The following MAGI1 variants were observed in gnomAD, a reference collection of about 807,000 sequenced individuals.
MAGI1 encodes membrane associated guanylate kinase, WW and PDZ domain containing 1.
Under a neutral mutation model 139.9 loss-of-function variants are expected in MAGI1, and 58 were observed. The ratio of observed to expected loss-of-function variants is 0.41; its 90% confidence interval spans 0.34 to 0.52. MAGI1 has a LOEUF of 0.52. MAGI1 is among the 20% of genes least tolerant of loss of function. The pLI is 0.12. For missense variants in MAGI1, 1,874 were observed against 1,901.6 expected (o/e 0.99, Z 0.27); for synonymous variants, 812 against 737.9 (o/e 1.10, Z -1.63).
In MAGI1 at chr3:65,614,142, C is replaced by T. The variant is rs148762672; in HGVS notation, c.430+7830G>A. Among the ~76,000 whole-genome samples the T allele has an allele frequency of 8.0e-4, 122 of 152,270 alleles. 1 individual carries two copies. The highest frequency in any genetic ancestry group is 2.7e-3 in the African/African-American group (114 of 41,546). On this transcript the variant is annotated intron_variant, in intron 2 of 22. Coordinates refer to ENST00000402939, the MANE Select transcript of MAGI1 (RefSeq NM_001033057.2). Reference sequence around the variant, plus strand: ...GTCCACCACACCTGAAAGCCCATCACATCTGAATGTTCTAGACTCAACAAG... The same window carrying T: ...GTCCACCACACCTGAAAGCCCATCATATCTGAATGTTCTAGACTCAACAAG...
intron 2 of MAGI1, among the ~76,000 whole-genome samples, chr3:65,540,088 A>G (rs1253175752): frequency 6.6e-6 from 1 of 152,212 alleles, no homozygotes; most frequent in East Asian, 1.9e-4. Flanking sequence ...AAAGTGCTTA[A>G]CATCAAGATG....
At chr3:65,918,505 C>G (rs941618331) in intron 1 of MAGI1, among the ~76,000 whole-genome samples, 2 of 151,518 alleles carry the variant, frequency 1.3e-5, no homozygotes, top group Non-Finnish European at 2.9e-5. Flanking sequence ...CTCAGCCTCT[C>G]GAGTAGCTGG....
intron 18 of MAGI1, among the ~76,000 whole-genome samples, chr3:65,368,364 G>A (rs1313272165): frequency 5.3e-5 from 8 of 152,206 alleles, no homozygotes; most frequent in Admixed American, 2.6e-4. Flanking sequence ...TCCCAGAGGA[G>A]TGAAAATGGA....
intron 2 of MAGI1, among the ~76,000 whole-genome samples, chr3:65,611,210 C>T (rs375083599): frequency 3.2e-4 from 45 of 139,172 alleles, no homozygotes; most frequent in African/African-American, 1.0e-3. Context: ...TGTATACACA[C>T]GTGTAGTACT....
chr3:65,636,080 A>G (rs2084598595), intron 1 of MAGI1, among the ~76,000 whole-genome samples: 1 of 152,238 alleles, frequency 6.6e-6, no homozygotes, highest in Admixed American at 6.5e-5. Context: ...CAGAAACAAA[A>G]GAGAGAGTCA....
chr3:65,597,813 G>A (rs2082289377), intron 2 of MAGI1: 1 of 456,132 alleles, frequency 2.2e-6, no homozygotes, highest in African/African-American at 2.0e-5. Context: ...ACTTGTACTT[G>A]CCTGCAAACC....
chr3:65,508,579 A>C (rs1429468078), intron 2 of MAGI1, among the ~76,000 whole-genome samples: 1 of 152,126 alleles, frequency 6.6e-6, no homozygotes, highest in East Asian at 1.9e-4. Context: ...TTGCCTTCTA[A>C]GACAGTCACA....
rs75207563 is a variant in MAGI1 at position 65,471,110 on chromosome 3, T to C, written c.758-626A>G. On this transcript the variant is annotated intron_variant, in intron 4 of 22. Coordinates refer to ENST00000402939, the MANE Select transcript of MAGI1 (RefSeq NM_001033057.2). Reference sequence around the variant, plus strand: ...ACCTCTTTTGAAAAAGTTATGTTCCTGTGAAAACCAAGAGTTACCCCCAGA... The same window carrying C: ...ACCTCTTTTGAAAAAGTTATGTTCCCGTGAAAACCAAGAGTTACCCCCAGA... 7.2e-3 allele frequency among the ~76,000 whole-genome samples: 1,101 copies of C among 152,272 alleles called. 13 individuals are homozygous for C. Among genetic ancestry groups the C allele is most frequent in the African/African-American group, 0.025 (1,053 of 41,556 alleles).
At chr3:65,972,929 T>A (rs2065077777) in intron 1 of MAGI1, among the ~76,000 whole-genome samples, 1 of 152,150 alleles carries the variant, frequency 6.6e-6, no homozygotes, top group South Asian at 2.1e-4. Flanking sequence ...AGTCTTGTTC[T>A]CCCAACCACT....
chr3:65,750,528 C>T (rs1422845117), intron 1 of MAGI1, among the ~76,000 whole-genome samples: 1 of 152,186 alleles, frequency 6.6e-6, no homozygotes, highest in Non-Finnish European at 1.5e-5. Flanking sequence ...AATACTGGTT[C>T]ACACACATTT....
At chr3:65,752,164 G>T (rs2036208823) in intron 1 of MAGI1, among the ~76,000 whole-genome samples, 1 of 152,110 alleles carries the variant, frequency 6.6e-6, no homozygotes, top group Non-Finnish European at 1.5e-5. Flanking sequence ...GTCCAGGCTG[G>T]TTGCAAACTC....
intron 1 of MAGI1, among the ~76,000 whole-genome samples, chr3:65,722,715 A>C (rs1176346209): frequency 6.6e-6 from 1 of 152,224 alleles, no homozygotes; most frequent in Non-Finnish European, 1.5e-5. Flanking sequence ...ATTTTATCTA[A>C]ATCATAAAAT....
intron 1 of MAGI1, among the ~76,000 whole-genome samples, chr3:65,927,210 A>G (rs116570907): frequency 0.019 from 2,928 of 152,188 alleles, 66 homozygotes; most frequent in African/African-American, 0.054. Flanking sequence ...ATTTTACTCT[A>G]TGAATTCGCC....
intron 1 of MAGI1, among the ~76,000 whole-genome samples, chr3:65,743,569 C>T (rs902992299): frequency 6.6e-6 from 1 of 152,022 alleles, no homozygotes; most frequent in Non-Finnish European, 1.5e-5. Flanking sequence ...ATTAGCCGGG[C>T]GTGGTGGCAT....
intron 1 of MAGI1, chr3:65,907,633 T>A (rs893316581): frequency 1.3e-5 from 2 of 152,224 alleles, no homozygotes; most frequent in African/African-American, 2.4e-5. Context: ...CTTTTTCAGG[T>A]TGAAGTCTTC....
chr3:65,839,459 T>A (rs1225674787), intron 1 of MAGI1, among the ~76,000 whole-genome samples: 2 of 152,118 alleles, frequency 1.3e-5, no homozygotes, highest in African/African-American at 4.8e-5. Context: ...TCAGGAAGCA[T>A]TCCAGAAGAG....
intron 1 of MAGI1, chr3:65,718,550 G>A (rs2032571183): frequency 6.6e-6 from 1 of 152,090 alleles, no homozygotes; most frequent in African/African-American, 2.4e-5. Context: ...TTACATACTA[G>A]TAATGCATCT....
intron 1 of MAGI1, among the ~76,000 whole-genome samples, chr3:65,728,555 C>T (rs1304344886): frequency 6.6e-6 from 1 of 152,178 alleles, no homozygotes; most frequent in Non-Finnish European, 1.5e-5. Flanking sequence ...CTTCCTCAAA[C>T]CCCAGGGCCT....
chr3:65,984,543 TG>T (rs1318002098), intron 1 of MAGI1, among the ~76,000 whole-genome samples: 1 of 146,278 alleles, frequency 6.8e-6, no homozygotes, highest in East Asian at 2.0e-4. Context: ...TGTGTGTGTG[TG>T]TGTGTGACAG....
Sources: gnomAD v4.1 joint callset for allele counts (sites outside exome capture counted in the v4.1 genomes callset) on GRCh38, gnomAD v4.1.1 for gene constraint, MANE v1.5 for transcripts, NCBI Gene and HGNC (gene_info 2026-07-23, HGNC 2026-07-21) for gene names.